GPATCH8: variants seen among roughly 807,000 people sequenced by gnomAD.
GPATCH8 encodes the protein G patch domain-containing protein 8.
A neutral mutation model predicts 118.3 loss-of-function variants in GPATCH8; 18 were observed. The observed-to-expected ratio is 0.15, with a 90% CI of 0.11 to 0.23. The LOEUF is 0.23. GPATCH8 is among the 10% of genes least tolerant of loss of function. The probability of loss-of-function intolerance (pLI) is 1.00; values close to 1 mark genes in which losing one functional copy is unlikely to be tolerated. For missense variants in GPATCH8, 1,631 were observed against 1,873.8 expected, an observed-to-expected ratio of 0.87 and a Z score of 2.39; for synonymous variants, 659 against 684.7, an observed-to-expected ratio of 0.96 and a Z score of 0.59.
At chr17:44,448,537 GGAAGAAGAAGAGGAAGAGGAAGAA>G (rs1417259833) in intron 3 of GPATCH8, among the ~76,000 whole-genome samples, 3 of 110,126 alleles carry the variant, frequency 2.7e-5, no homozygotes, top group East Asian at 2.6e-4. Flanking sequence ...AGAAGAAGAA[GGAAGAAGAAGAGGAAGAGGAAGAA>G]GAAGAGGAAG....
intron 3 of GPATCH8, among the ~76,000 whole-genome samples, chr17:44,445,383 T>C (rs1028490521): frequency 3.9e-5 from 6 of 152,112 alleles, no homozygotes; most frequent in South Asian, 2.1e-4. Context: ...TTCCTCTTTT[T>C]AAAAAACAGG....
chr17:44,436,339 A>T (rs1211274858), intron 4 of GPATCH8, 139 bp downstream of exon 4: 2 of 680,104 alleles, frequency 2.9e-6, no homozygotes, highest in Non-Finnish European at 5.4e-6. Flanking sequence ...AATGTAAAAT[A>T]TATTTTTTAG....
intron 6 of GPATCH8, among the ~76,000 whole-genome samples, chr17:44,414,069 ATATATATATATGTGTGTG>A (rs2049557902): frequency 2.0e-5 from 3 of 146,874 alleles, no homozygotes; most frequent in African/African-American, 7.5e-5. Context: ...ATATATATAT[ATATATATATATGTGTGTG>A]TATATATATA....
Position 44,397,696 on chromosome 17 carries a change from C to T in GPATCH8, c.4381G>A (p.Ala1461Thr). The T allele has an allele frequency of 6.2e-7, 1 of 1,610,982 alleles. No homozygotes were observed. Among genetic ancestry groups the T allele is most frequent in the Non-Finnish European group, 8.5e-7 (1 of 1,178,118 alleles). ...PFTFHPVPHA[A>T]LYPTLLAPRP... ...GGAGCAAGTAGGGTGGGGTAGAGGG[C>T]AGCATGTGGGACAGGGTGAAAGGTG... The change falls in exon 8 of 8, where the codon GCC becomes ACC. Residue 1461 changes from alanine (A) to threonine (T), a missense_variant. Transcript: ENST00000591680.
intron 1 of GPATCH8, among the ~76,000 whole-genome samples, chr17:44,490,730 T>C (rs1239273896): frequency 1.3e-5 from 2 of 151,996 alleles, no homozygotes; most frequent in East Asian, 3.9e-4. Context: ...GCCTCCACTC[T>C]CAAAAAAAAC....
intron 3 of GPATCH8, among the ~76,000 whole-genome samples, chr17:44,443,021 T>C (rs1417747980): frequency 1.3e-5 from 2 of 151,982 alleles, no homozygotes; most frequent in African/African-American, 4.8e-5. Context: ...GGAGCTGGAG[T>C]GAGCTATCAT....
At chr17:44,442,488 A>G (rs891573652) in intron 3 of GPATCH8, among the ~76,000 whole-genome samples, 3 of 152,110 alleles carry the variant, frequency 2.0e-5, no homozygotes, top group Non-Finnish European at 4.4e-5. Flanking sequence ...TTTTTGAGAC[A>G]GGATCTTGCT....
rs904849206 is a variant in GPATCH8, at chr17:44,437,014, T to G, written c.194-469A>C. Among the ~76,000 whole-genome samples, 5 of 152,216 alleles carry G rather than the reference T, an allele frequency of 3.3e-5. 1 individual carries two copies. The highest frequency in any genetic ancestry group is 2.6e-4 in the Admixed American group (4 of 15,280). On this transcript the variant is annotated intron_variant, in intron 3 of 7. Coordinates refer to ENST00000591680, the MANE Select transcript of GPATCH8 (RefSeq NM_001002909.4). Reference sequence around the variant, plus strand: ...ATTTTTAAACATGATGCAGTAAAACTTTATAATTACAACTCAGTATGTTGA... The same window carrying G: ...ATTTTTAAACATGATGCAGTAAAACGTTATAATTACAACTCAGTATGTTGA...
intron 5 of GPATCH8, among the ~76,000 whole-genome samples, chr17:44,433,309 TCTCA>T (rs1429893478): frequency 6.6e-6 from 1 of 152,230 alleles, no homozygotes; most frequent in Non-Finnish European, 1.5e-5. Context: ...ATCTGGCTTT[TCTCA>T]CTATTTCAAA....
At chr17:44,480,870 T>TCAAAAACAAAAA (rs71275958) in intron 1 of GPATCH8, among the ~76,000 whole-genome samples, 2 of 151,090 alleles carry the variant, frequency 1.3e-5, no homozygotes, top group African/African-American at 4.9e-5. Context: ...GACTCCAGTC[T>TCAAAAACAAAAA]CAAAAACAAA....
chr17:44,426,262 T>C (rs766383890), intron 5 of GPATCH8, among the ~76,000 whole-genome samples: 9 of 152,218 alleles, frequency 5.9e-5, no homozygotes, highest in Non-Finnish European at 1.2e-4. Context: ...GTACAAAGAA[T>C]GCACATAGAG....
chr17:44,503,400 G>T lies in GPATCH8; in HGVS notation c.-30C>A. 6.3e-7 allele frequency: 1 copy of T among 1,585,488 alleles called. No homozygotes were observed. The highest frequency in any genetic ancestry group is 8.6e-7 in the Non-Finnish European group (1 of 1,162,526). ...CCGCCTTCACTCCTCTCAGGACGAC[G>T]CTCTCCGGTTCGCTCCTTCCCTCCT... On this transcript the variant is annotated 5_prime_UTR_variant, in exon 1 of 8. Transcript: ENST00000591680.
At chr17:44,442,893 T>C (rs757269958) in intron 3 of GPATCH8, among the ~76,000 whole-genome samples, 29 of 152,196 alleles carry the variant, frequency 1.9e-4, no homozygotes, top group African/African-American at 5.8e-4. Flanking sequence ...TACTGGGCAA[T>C]AGAGCAAGAC....
At position 44,399,098 on chromosome 17, in the gene GPATCH8, G is replaced by A. The variant is rs1385639247; in HGVS notation, c.2979C>T (p.Ser993=). The change falls in exon 8 of 8, where the codon AGC becomes AGT. Residue 993 remains serine, a synonymous_variant. Transcript: ENST00000591680. ...TCTGGGAAGGGCTCCTGGTGCTGCG[G>A]CTGCGGTCCCGGCTATAGCTCCGGC... The part of the protein sequence containing the change: ...QRSRSYSRDR[S]RSTRSPSQRS... The A allele has an allele frequency of 7.4e-6, 12 of 1,613,714 alleles. No homozygotes were observed. Among genetic ancestry groups the A allele is most frequent in the South Asian group, 6.6e-5 (6 of 91,078 alleles).
At position 44,503,393 on chromosome 17, in the gene GPATCH8, G is replaced by A. The variant is rs1249650378; in HGVS notation, c.-23C>T. 3 of 1,595,696 alleles carry A rather than the reference G, an allele frequency of 1.9e-6. No individual in the cohort carries two copies. Among genetic ancestry groups the A allele is most frequent in the East Asian group, 2.3e-5 (1 of 44,128 alleles). On this transcript the variant is annotated 5_prime_UTR_variant, in exon 1 of 8. Transcript: ENST00000591680. ...CATTTTGCCGCCTTCACTCCTCTCA[G>A]GACGACGCTCTCCGGTTCGCTCCTT...
intron 2 of GPATCH8, among the ~76,000 whole-genome samples, chr17:44,472,519 A>G (rs1422729104): frequency 6.6e-6 from 1 of 152,190 alleles, no homozygotes; most frequent in East Asian, 1.9e-4. Context: ...TATCGTAATA[A>G]TGAATACTAG....
chr17:44,446,900 T>C (rs1025950552), intron 3 of GPATCH8, among the ~76,000 whole-genome samples: 1 of 152,048 alleles, frequency 6.6e-6, no homozygotes, highest in East Asian at 1.9e-4. Flanking sequence ...AGTGTCACAA[T>C]CTTGGCTCAC....
rs573777998 is a variant in GPATCH8, at chr17:44,465,004, A to C, written c.121-460T>G. ...TTTATGTGTCAGGCTTTCATGATACAAAGTAAGTTATAAGTGTAAGACTGC... is the reference window on the plus strand; with the variant it reads ...TTTATGTGTCAGGCTTTCATGATACCAAGTAAGTTATAAGTGTAAGACTGC... On this transcript the variant is annotated intron_variant, in intron 2 of 7. Coordinates refer to ENST00000591680, the MANE Select transcript of GPATCH8 (RefSeq NM_001002909.4). 29 of 165,504 alleles carry C rather than the reference A, an allele frequency of 1.8e-4. No individual in the cohort carries two copies. The East Asian group carries it at 2.2e-3, about 13-fold the overall frequency. 10.3% of individuals were successfully genotyped at this position (165,504 alleles called of 1,614,324 possible).
intron 3 of GPATCH8, among the ~76,000 whole-genome samples, chr17:44,461,098 C>T (rs989592808): frequency 2.6e-5 from 4 of 152,164 alleles, no homozygotes; most frequent in African/African-American, 9.7e-5. Context: ...TGTAAATATA[C>T]TTCACATACA....
Sources: gnomAD v4.1 joint callset for allele counts (sites outside exome capture counted in the v4.1 genomes callset) on GRCh38, gnomAD v4.1.1 for gene constraint, MANE v1.5 for transcripts, NCBI Gene and HGNC (gene_info 2026-07-23, HGNC 2026-07-21) for gene names.